The following KLHL32 variants were observed in gnomAD, a reference collection of about 807,000 sequenced individuals.
KLHL32 encodes the protein kelch-like protein 32.
In KLHL32, 35 loss-of-function variants were observed where a neutral mutation model predicts 64.8. The ratio of observed to expected loss-of-function variants is 0.54; its 90% CI spans 0.41 to 0.72. The LOEUF (loss-of-function observed/expected upper bound fraction) is 0.72. Ranked by LOEUF, KLHL32 falls within the 30% of genes least tolerant of loss-of-function variation. KLHL32 has a pLI of 0.00. For missense variants in KLHL32, 589 were observed against 768.5 expected, an observed-to-expected ratio of 0.77 and a Z score of 2.76; for synonymous variants, 259 against 281.0, an observed-to-expected ratio of 0.92 and a Z score of 0.78.
At chr6:96,990,747 C>T (rs1159437933) in intron 3 of KLHL32, among the ~76,000 whole-genome samples, 1 of 151,986 alleles carries the variant, frequency 6.6e-6, no homozygotes, top group Non-Finnish European at 1.5e-5. Context: ...TGTTATGGGC[C>T]CAAGCTGGGG....
Position 97,127,408 on chromosome 6 carries a change from A to G in KLHL32, c.1359A>G (p.Gly453=), listed in dbSNP as rs1798985655. 1.2e-6 allele frequency: 2 copies of G among 1,612,808 alleles called. No homozygotes were observed. Among genetic ancestry groups the G allele is most frequent in the South Asian group, 1.1e-5 (1 of 91,026 alleles). Reference sequence around the variant, plus strand: ...ACACATGTTAATCCATTACAGGTGGAGTAACTAATACGGCACAATATCAGA... The same window carrying G: ...ACACATGTTAATCCATTACAGGTGGGGTAACTAATACGGCACAATATCAGA... The part of the protein sequence containing the change: ...VADGLLWISG[G]VTNTAQYQNR... The change falls in exon 8 of 11, where the codon GGA becomes GGG. Residue 453 remains glycine (G), a synonymous_variant. Transcript: ENST00000369261.
intron 5 of KLHL32, among the ~76,000 whole-genome samples, chr6:97,080,047 A>G (rs1287958187): frequency 1.3e-5 from 2 of 152,234 alleles, no homozygotes; most frequent in Non-Finnish European, 2.9e-5. Context: ...AAATCTTTTG[A>G]TCTAAGTAGC....
intron 6 of KLHL32, among the ~76,000 whole-genome samples, chr6:97,105,002 A>G (rs566420797): frequency 2.0e-5 from 3 of 152,288 alleles, no homozygotes; most frequent in Admixed American, 6.5e-5. Flanking sequence ...TTCACCTTAC[A>G]TGATTCACGT....
chr6:97,064,022 G>A (rs1333582416), intron 4 of KLHL32, among the ~76,000 whole-genome samples: 1 of 152,176 alleles, frequency 6.6e-6, no homozygotes, highest in Non-Finnish European at 1.5e-5. Context: ...TGATGTCTTT[G>A]TATTCTGAAA....
the KLHL32 span, among the ~76,000 whole-genome samples, chr6:96,904,953 C>A: frequency 6.6e-6 from 1 of 152,346 alleles, no homozygotes; most frequent in Admixed American, 6.5e-5. Context: ...TCCCTGTCTT[C>A]TTTCTTCACT....
chr6:97,063,144 T>C (rs1191008493), intron 4 of KLHL32, among the ~76,000 whole-genome samples: 2 of 152,292 alleles, frequency 1.3e-5, no homozygotes, highest in East Asian at 3.9e-4. Flanking sequence ...TTAAAACAGA[T>C]AGTGTGAGTG....
intron 3 of KLHL32, among the ~76,000 whole-genome samples, chr6:97,006,676 G>A (rs1779706973): frequency 6.6e-6 from 1 of 152,128 alleles, no homozygotes; most frequent in African/African-American, 2.4e-5. Flanking sequence ...CTTCTTGTAA[G>A]GCAGATCTTG....
intron 3 of KLHL32, chr6:97,024,931 G>C: frequency 1.3e-5 from 12 of 912,956 alleles, no homozygotes; most frequent in Non-Finnish European, 1.6e-5. Context: ...ATGCTTTTAA[G>C]ATTATAACTT....
chr6:97,063,909 C>A (rs1005603010), intron 4 of KLHL32, among the ~76,000 whole-genome samples: 1 of 152,116 alleles, frequency 6.6e-6, no homozygotes, highest in African/African-American at 2.4e-5. Context: ...TTTTTTCCAG[C>A]CCTGATCAGC....
At chr6:97,117,283 A>G (rs1318778396) in intron 7 of KLHL32, among the ~76,000 whole-genome samples, 1 of 152,186 alleles carries the variant, frequency 6.6e-6, no homozygotes, top group Non-Finnish European at 1.5e-5. Flanking sequence ...TGTATTTCCA[A>G]TTTAATTGAT....
At chr6:96,911,340 C>T in the KLHL32 span, among the ~76,000 whole-genome samples, 4 of 152,230 alleles carry the variant, frequency 2.6e-5, no homozygotes, top group South Asian at 2.1e-4. Flanking sequence ...AGTCCTGCAG[C>T]CTGACCCATT....
intron 2 of KLHL32, 77 bp from the exon 3 acceptor site, chr6:96,975,920 G>A (rs771677580): frequency 1.4e-5 from 18 of 1,245,246 alleles, no homozygotes; most frequent in Non-Finnish European, 1.7e-5. Context: ...CTCAGTCGAT[G>A]TTCAAGGAAT....
upstream of KLHL32, among the ~76,000 whole-genome samples, chr6:96,920,510 G>C (rs1005828425): frequency 2.6e-5 from 4 of 151,986 alleles, no homozygotes; most frequent in African/African-American, 9.7e-5. Flanking sequence ...GCACTGAACA[G>C]AGCCAGCTTC....
chr6:97,010,913 T>C, intron 3 of KLHL32, among the ~76,000 whole-genome samples: 1 of 152,354 alleles, frequency 6.6e-6, no homozygotes, highest in East Asian at 1.9e-4. Context: ...TACTATTCTT[T>C]ACTGGAGATT....
intron 3 of KLHL32, among the ~76,000 whole-genome samples, chr6:96,978,200 T>C (rs1343532517): frequency 6.6e-6 from 1 of 152,148 alleles, no homozygotes; most frequent in African/African-American, 2.4e-5. Flanking sequence ...GTCAGTAAAT[T>C]ATGTTTCATG....
intron 3 of KLHL32, 94 bp downstream of exon 3, chr6:96,976,271 G>A: frequency 1.6e-6 from 2 of 1,214,136 alleles, no homozygotes; most frequent in South Asian, 1.6e-5. Context: ...CAATTAGGTG[G>A]TACCCCCAGA....
At chr6:96,935,505 G>T (rs1262123066) in intron 1 of KLHL32, among the ~76,000 whole-genome samples, 1 of 152,148 alleles carries the variant, frequency 6.6e-6, no homozygotes, top group African/African-American at 2.4e-5. Context: ...GGAGGGGTCT[G>T]GGAGAAAAGA....
At chr6:97,128,476 T>C (rs1799098930) in intron 8 of KLHL32, among the ~76,000 whole-genome samples, 1 of 152,236 alleles carries the variant, frequency 6.6e-6, no homozygotes, top group South Asian at 2.1e-4. Flanking sequence ...GTTTCATGTT[T>C]GTACACACAT....
Position 97,041,593 on chromosome 6 carries a change from A to C in KLHL32, c.306A>C (p.Thr102=). Residue 102 remains threonine (T), a synonymous_variant, in exon 4 of 11, where the codon ACA becomes ACC. Transcript: ENST00000369261. The part of the protein sequence containing the change: ...GLKQALEFAY[T]GQILLEPGVI... ...AGCAGGCTCTGGAGTTTGCATACACAGGACAGGTATGGTATTAAATGTGAT... is the reference window on the plus strand; with the variant it reads ...AGCAGGCTCTGGAGTTTGCATACACCGGACAGGTATGGTATTAAATGTGAT... 1 of 1,595,232 alleles carries C rather than the reference A, an allele frequency of 6.3e-7. No homozygotes were observed. The highest frequency in any genetic ancestry group is 8.6e-7 in the Non-Finnish European group (1 of 1,162,704).
Sources: gnomAD v4.1 joint callset for allele counts (sites outside exome capture counted in the v4.1 genomes callset) on GRCh38, gnomAD v4.1.1 for gene constraint, MANE v1.5 for transcripts, NCBI Gene and HGNC (gene_info 2026-07-23, HGNC 2026-07-21) for gene names.